Variants in MID1 observed in about 807,000 individuals in gnomAD.
MID1 encodes E3 ubiquitin-protein ligase Midline-1.
MID1 carries 7 observed loss-of-function variants against 40.4 expected under a neutral mutation model. The observed-to-expected ratio is 0.17, with a 90% CI of 0.10 to 0.33. The LOEUF is 0.33. Ranked by LOEUF, MID1 falls within the 10% of genes least tolerant of loss-of-function variation. MID1 has a pLI of 1.00. For missense variants in MID1, 367 were observed against 558.5 expected (o/e 0.66, Z 3.46); for synonymous variants, 229 against 221.2 (o/e 1.04, Z -0.31).
chrX:10,721,063 C>T (rs1213750059), intron 1 of MID1, among the ~76,000 whole-genome samples: 2 of 72,755 alleles, frequency 2.7e-5, no homozygotes, highest in African/African-American at 1.2e-4. Context: ...TGGGGGGAGG[C>T]GGGAGGGATA....
At chrX:10,598,459 C>A (rs1462504559) in intron 1 of MID1, among the ~76,000 whole-genome samples, 1 of 111,989 alleles carries the variant, frequency 8.9e-6, no homozygotes, top group Non-Finnish European at 1.9e-5. Context: ...GACATCACTC[C>A]TTGGATTGTG....
intron 2 of MID1, among the ~76,000 whole-genome samples, chrX:10,528,214 C>T (rs904021496): frequency 9.0e-6 from 1 of 110,589 alleles, no homozygotes; most frequent in Admixed American, 9.6e-5. Context: ...TTCTAGTAGT[C>T]ACATTAAAAA....
chrX:10,778,694 G>T (rs1476141377), intron 1 of MID1, among the ~76,000 whole-genome samples: 1 of 112,448 alleles, frequency 8.9e-6, no homozygotes, highest in African/African-American at 3.2e-5. Context: ...ACACCTTAGT[G>T]TTGGTCTTGA....
intron 1 of MID1, among the ~76,000 whole-genome samples, chrX:10,698,629 G>T (rs1440169926): frequency 9.5e-6 from 1 of 105,705 alleles, no homozygotes; most frequent in African/African-American, 3.5e-5. Context: ...CCCATTGAAA[G>T]ATATCAGAAT....
intron 3 of MID1, among the ~76,000 whole-genome samples, chrX:10,508,420 A>G (rs1931951497): frequency 8.9e-6 from 1 of 112,745 alleles, no homozygotes; most frequent in African/African-American, 3.2e-5. Context: ...TATTAGTACA[A>G]TTAATTTTAC....
intron 1 of MID1, among the ~76,000 whole-genome samples, chrX:10,809,865 T>A (rs2044083428): frequency 9.1e-6 from 1 of 110,206 alleles, no homozygotes; most frequent in African/African-American, 3.3e-5. Context: ...TGTATACATA[T>A]GGAACAAACC....
At chrX:10,543,665 A>G (rs1933563688) in intron 2 of MID1, among the ~76,000 whole-genome samples, 1 of 109,781 alleles carries the variant, frequency 9.1e-6, no homozygotes, top group South Asian at 4.0e-4. Flanking sequence ...CAACATGGTG[A>G]AACGCGGTCT....
At chrX:10,588,826 C>A (rs1360989125) in intron 1 of MID1, among the ~76,000 whole-genome samples, 1 of 111,400 alleles carries the variant, frequency 9.0e-6, no homozygotes, top group Non-Finnish European at 1.9e-5. Flanking sequence ...TACAGGCTAC[C>A]TTGTGCCATA....
At chrX:10,694,623 T>C (rs967588539) in intron 1 of MID1, among the ~76,000 whole-genome samples, 23 of 111,923 alleles carry the variant, frequency 2.1e-4, no homozygotes, top group Non-Finnish European at 3.8e-5. Context: ...GTGGAGAAAG[T>C]GTTCCAGGAA....
At chrX:10,672,594 A>G (rs945058874) in intron 1 of MID1, among the ~76,000 whole-genome samples, 3 of 111,709 alleles carry the variant, frequency 2.7e-5, no homozygotes, top group Admixed American at 1.9e-4. Context: ...AAAGCAGGGA[A>G]CAGATTCTTG....
chrX:10,583,178 A>G (rs1053473791), intron 1 of MID1, among the ~76,000 whole-genome samples: 5 of 111,893 alleles, frequency 4.5e-5, no homozygotes, highest in African/African-American at 1.6e-4. Flanking sequence ...ATATGAGCAT[A>G]AAGGCCTGCC....
intron 1 of MID1, among the ~76,000 whole-genome samples, chrX:10,831,686 T>C (rs1042595548): frequency 4.5e-5 from 5 of 111,782 alleles, no homozygotes; most frequent in Non-Finnish European, 9.4e-5. Flanking sequence ...GAGTAGATTC[T>C]AGCCGTGAGA....
chrX:10,505,823 T>C, intron 3 of MID1: 1 of 754,337 alleles, frequency 1.3e-6, no homozygotes, highest in Non-Finnish European at 1.6e-6. Context: ...TTCCTTTTAG[T>C]TGTTGTGCCA....
Position 10,653,700 on chromosome X carries a change from T to C in MID1, c.-186-33281A>G, listed in dbSNP as rs754919070. ...AAAAATCCCCTCAAATTTGAAAACA[T>C]AACAAAATTTAATTATTTTGTTGAT... On this transcript the variant is annotated intron_variant, in intron 1 of 10. Transcript: ENST00000380785. Among the ~76,000 whole-genome samples, 9 of 113,198 alleles carry C rather than the reference T, an allele frequency of 8.0e-5. No individual in the cohort carries two copies. The East Asian group carries it at 2.2e-3, about 28-fold the overall frequency.
chrX:10,636,820 A>C (rs918479341), intron 1 of MID1, among the ~76,000 whole-genome samples: 4 of 91,710 alleles, frequency 4.4e-5, no homozygotes, highest in South Asian at 5.7e-4. Flanking sequence ...ATATATATAC[A>C]CCACTGGTGA....
At chrX:10,726,054 C>T (rs1274697806) in intron 1 of MID1, among the ~76,000 whole-genome samples, 1 of 111,798 alleles carries the variant, frequency 8.9e-6, no homozygotes, top group African/African-American at 3.2e-5. Context: ...TTAAAAGCCA[C>T]TATGTATTTT....
intron 1 of MID1, among the ~76,000 whole-genome samples, chrX:10,813,441 A>AAACAAAGTCCAGAAAGATGGGT (rs1267587713): frequency 8.9e-6 from 1 of 111,762 alleles, no homozygotes; most frequent in Non-Finnish European, 1.9e-5. Flanking sequence ...AAAGAAGAGT[A>AAACAAAGTCCAGAAAGATGGGT]AACAAAGTCC....
Position 10,448,024 on chromosome X carries a change from A to G in MID1, c.*1344T>C, listed in dbSNP as rs1928110279. 9.0e-6 allele frequency: 1 copy of G among 111,446 alleles called. No individual in the cohort carries two copies. The highest frequency in any genetic ancestry group is 3.3e-5 in the African/African-American group (1 of 30,592). 9.2% of individuals were successfully genotyped at this position (111,446 alleles called of 1,213,427 possible). The stretch of plus-strand genomic sequence containing the variant: ...GAACTGCTCAAGAAAGCCTTAATTC[A>G]TGGACCATTCCAACGCATCAGATTG... On this transcript the variant is annotated 3_prime_UTR_variant, in exon 10 of 10. Coordinates refer to ENST00000317552, the MANE Select transcript of MID1 (RefSeq NM_000381.4).
At chrX:10,673,604 C>T (rs781735054) in intron 1 of MID1, among the ~76,000 whole-genome samples, 1 of 111,667 alleles carries the variant, frequency 9.0e-6, no homozygotes, top group East Asian at 2.8e-4. Context: ...CAGGCAGAAG[C>T]TGTCAAGGGA....
Sources: gnomAD v4.1 joint callset for allele counts (sites outside exome capture counted in the v4.1 genomes callset) on GRCh38, gnomAD v4.1.1 for gene constraint, MANE v1.5 for transcripts, NCBI Gene and HGNC (gene_info 2026-07-23, HGNC 2026-07-21) for gene names.